Variants in CIRSR observed in about 807,000 individuals in gnomAD.
The protein encoded by CIRSR is corepressor of RBPJ and splicing regulator, also known as CBF1 (RBPJ) interacting corepressor 1.
At chr2:174,354,471 ATAT>A in the CIRSR span, among the ~76,000 whole-genome samples, 1 of 93,744 alleles carries the variant, frequency 1.1e-5, no homozygotes, top group African/African-American at 4.4e-5. Context: ...TATAAAATAT[ATAT>A]AATATATATT....
chr2:174,354,489 TATATA>T, the CIRSR span, among the ~76,000 whole-genome samples: 2 of 46,730 alleles, frequency 4.3e-5, no homozygotes, highest in African/African-American at 1.1e-4. Flanking sequence ...TATATTATAT[TATATA>T]AATTATATTA....
the CIRSR span, among the ~76,000 whole-genome samples, chr2:174,359,241 G>A: frequency 6.6e-6 from 1 of 151,684 alleles, no homozygotes; most frequent in East Asian, 1.9e-4. Flanking sequence ...CTAGGGTGAT[G>A]GCAATGCTCT....
the CIRSR span, chr2:174,348,328 G>A: frequency 2.8e-6 from 3 of 1,061,004 alleles, no homozygotes; most frequent in East Asian, 2.7e-5. Flanking sequence ...TACTCATGTA[G>A]TTTTGTACTT....
chr2:174,349,410 C>A, the CIRSR span, among the ~76,000 whole-genome samples: 1 of 151,674 alleles, frequency 6.6e-6, no homozygotes, highest in Non-Finnish European at 1.5e-5. Flanking sequence ...AGTAAAAATA[C>A]AAAAATTAGC....
the CIRSR span, chr2:174,348,505 T>C: frequency 1.2e-6 from 2 of 1,603,244 alleles, no homozygotes; most frequent in East Asian, 2.2e-5. Flanking sequence ...CTTCATTCTC[T>C]TTGTGTCACT....
the CIRSR span, chr2:174,350,791 GTAGT>G: frequency 7.6e-7 from 1 of 1,308,320 alleles, no homozygotes; most frequent in Non-Finnish European, 1.1e-6. Context: ...TCAACACAAG[GTAGT>G]TAGTAGATAA....
the CIRSR span, among the ~76,000 whole-genome samples, chr2:174,379,826 C>T: frequency 8.1e-5 from 12 of 148,528 alleles, no homozygotes; most frequent in Non-Finnish European, 1.0e-4. Context: ...TGGGTTCCAG[C>T]GATTCTCCTG....
At chr2:174,349,106 G>A in the CIRSR span, 1 of 1,516,598 alleles carries the variant, frequency 6.6e-7, no homozygotes, top group Non-Finnish European at 8.8e-7. Flanking sequence ...GTTTACTTCT[G>A]CTCTTCTGAA....
At chr2:174,393,141 A>G in the CIRSR span, among the ~76,000 whole-genome samples, 1 of 152,240 alleles carries the variant, frequency 6.6e-6, no homozygotes, top group Non-Finnish European at 1.5e-5. Context: ...GAGTTTCACA[A>G]AAAAGGGAGT....
At chr2:174,375,961 A>T in the CIRSR span, among the ~76,000 whole-genome samples, 96 of 152,244 alleles carry the variant, frequency 6.3e-4, 1 homozygote, top group Non-Finnish European at 1.2e-3. Flanking sequence ...TGGCTCAAAC[A>T]ATCCTCCTGC....
the CIRSR span, among the ~76,000 whole-genome samples, chr2:174,372,573 C>A: frequency 1.3e-5 from 2 of 152,056 alleles, no homozygotes; most frequent in African/African-American, 4.8e-5. Flanking sequence ...CACTTAATAT[C>A]ATTTTATTAG....
the CIRSR span, among the ~76,000 whole-genome samples, chr2:174,388,339 C>T: frequency 6.6e-6 from 1 of 152,156 alleles, no homozygotes; most frequent in African/African-American, 2.4e-5. Flanking sequence ...GCTGGGATTA[C>T]AGGACCCTGC....
At chr2:174,354,424 AT>A in the CIRSR span, among the ~76,000 whole-genome samples, 1 of 65,530 alleles carries the variant, frequency 1.5e-5, no homozygotes, top group Non-Finnish European at 2.8e-5. Flanking sequence ...TATAATATAT[AT>A]TATATGATAT....
At chr2:174,351,028 A>G in the CIRSR span, among the ~76,000 whole-genome samples, 2 of 152,204 alleles carry the variant, frequency 1.3e-5, no homozygotes, top group African/African-American at 4.8e-5. Context: ...TTAGAGCATG[A>G]CTTCCATTCT....
the CIRSR span, among the ~76,000 whole-genome samples, chr2:174,368,461 T>G: frequency 6.6e-6 from 1 of 152,154 alleles, no homozygotes; most frequent in African/African-American, 2.4e-5. Context: ...AAAAACACAC[T>G]TATAAATAAA....
chr2:174,378,318 C>T, the CIRSR span, among the ~76,000 whole-genome samples: 1 of 152,142 alleles, frequency 6.6e-6, no homozygotes, highest in East Asian at 1.9e-4. Flanking sequence ...TGATCTATTA[C>T]AGGTTAGGGT....
the CIRSR span, chr2:174,387,502 G>A: frequency 1.9e-6 from 1 of 531,328 alleles, no homozygotes; most frequent in Non-Finnish European, 3.1e-6. Flanking sequence ...GTGAATTATG[G>A]GTAAAGCTGG....
the CIRSR span, among the ~76,000 whole-genome samples, chr2:174,351,301 C>T: frequency 6.6e-6 from 1 of 151,912 alleles, no homozygotes; most frequent in African/African-American, 2.4e-5. Flanking sequence ...ATACTTCTAA[C>T]CATTGGTTCT....
At chr2:174,386,533 C>T in the CIRSR span, among the ~76,000 whole-genome samples, 1 of 151,794 alleles carries the variant, frequency 6.6e-6, no homozygotes, top group Admixed American at 6.6e-5. Context: ...CTAGATAGTT[C>T]TTTGTTGTGT....
Sources: gnomAD v4.1 joint callset for allele counts (sites outside exome capture counted in the v4.1 genomes callset) on GRCh38, gnomAD v4.1.1 for gene constraint, MANE v1.5 for transcripts, NCBI Gene and HGNC (gene_info 2026-07-23, HGNC 2026-07-21) for gene names.